Variants in MMP16 observed in about 807,000 individuals in gnomAD.
MMP16 encodes matrix metallopeptidase 16.
In MMP16, 12 loss-of-function variants were observed where a neutral mutation model predicts 67.8. The ratio of observed to expected loss-of-function variants is 0.18; its 90% confidence interval spans 0.11 to 0.29. The LOEUF (loss-of-function observed/expected upper bound fraction) is 0.29. Ranked by LOEUF, MMP16 falls within the 10% of genes least tolerant of loss-of-function variation. The pLI is 1.00. For missense variants in MMP16, 475 were observed against 765.7 expected, an observed-to-expected ratio of 0.62 and a Z score of 4.48; for synonymous variants, 249 against 255.9, an observed-to-expected ratio of 0.97 and a Z score of 0.26.
intron 1 of MMP16, among the ~76,000 whole-genome samples, chr8:88,325,932 G>A (rs1811530074): frequency 6.6e-6 from 1 of 152,190 alleles, no homozygotes; most frequent in East Asian, 1.9e-4. Flanking sequence ...TGCACACTCT[G>A]TGTATCAATT....
intron 7 of MMP16, among the ~76,000 whole-genome samples, chr8:88,068,398 T>G (rs552087819): frequency 1.3e-5 from 2 of 152,278 alleles, no homozygotes; most frequent in South Asian, 4.1e-4. Context: ...GTAGAATTTT[T>G]AAATTGTCTG....
intron 1 of MMP16, among the ~76,000 whole-genome samples, chr8:88,267,328 C>A (rs1370108384): frequency 6.6e-6 from 1 of 152,154 alleles, no homozygotes; most frequent in Non-Finnish European, 1.5e-5. Context: ...GTGGTTAAGT[C>A]TTAAATATAA....
intron 2 of MMP16, among the ~76,000 whole-genome samples, chr8:88,190,259 G>C (rs1165326242): frequency 6.6e-6 from 1 of 152,142 alleles, no homozygotes; most frequent in African/African-American, 2.4e-5. Context: ...CTGGCACAGA[G>C]ATATTAGTGG....
At chr8:88,288,282 T>TCATTCTTCCAAACTG (rs1810865105) in intron 1 of MMP16, among the ~76,000 whole-genome samples, 1 of 152,236 alleles carries the variant, frequency 6.6e-6, no homozygotes, top group South Asian at 2.1e-4. Context: ...CTATGAAACC[T>TCATTCTTCCAAACTG]CATTCTTCCA....
At chr8:88,256,702 A>C (rs1185610918) in intron 1 of MMP16, among the ~76,000 whole-genome samples, 28 of 145,854 alleles carry the variant, frequency 1.9e-4, no homozygotes, top group Admixed American at 1.2e-3. Flanking sequence ...ACACACACAC[A>C]CCCCACACAC....
At chr8:88,107,752 C>A (rs148741712) in intron 6 of MMP16, among the ~76,000 whole-genome samples, 5 of 151,030 alleles carry the variant, frequency 3.3e-5, no homozygotes, top group Non-Finnish European at 5.9e-5. Context: ...GAGATTGTTT[C>A]TTTTTATATA....
At chr8:88,234,525 T>C (rs1809911200) in intron 1 of MMP16, among the ~76,000 whole-genome samples, 1 of 152,252 alleles carries the variant, frequency 6.6e-6, no homozygotes, top group African/African-American at 2.4e-5. Flanking sequence ...AATTATTTTA[T>C]AATTAATGAC....
At chr8:88,102,418 G>C (rs1809160104) in intron 6 of MMP16, among the ~76,000 whole-genome samples, 2 of 151,912 alleles carry the variant, frequency 1.3e-5, no homozygotes, top group Admixed American at 6.6e-5. Flanking sequence ...CTGAGGTATG[G>C]GGGGAGTGGG....
chr8:88,129,110 A>C (rs575719949), intron 4 of MMP16, among the ~76,000 whole-genome samples: 4 of 151,796 alleles, frequency 2.6e-5, no homozygotes, highest in Admixed American at 2.0e-4. Flanking sequence ...CTCAGAGTAA[A>C]CCCATGTAAC....
chr8:88,198,905 C>T (rs369421862), intron 1 of MMP16, among the ~76,000 whole-genome samples: 1 of 152,000 alleles, frequency 6.6e-6, no homozygotes, highest in Non-Finnish European at 1.5e-5. Flanking sequence ...TCCTAGTTAA[C>T]AGTGGTGCAG....
intron 4 of MMP16, among the ~76,000 whole-genome samples, chr8:88,148,432 C>A (rs544977394): frequency 6.6e-6 from 1 of 152,278 alleles, no homozygotes; most frequent in South Asian, 2.1e-4. Context: ...GTGAAAATAG[C>A]TGGGTGCCTA....
intron 7 of MMP16, among the ~76,000 whole-genome samples, chr8:88,056,850 A>C (rs1206983747): frequency 6.6e-6 from 1 of 152,148 alleles, no homozygotes; most frequent in Non-Finnish European, 1.5e-5. Context: ...TAAGAGTGGT[A>C]ACTGAGGGGA....
chr8:88,278,903 G>A (rs1352859871), intron 1 of MMP16, among the ~76,000 whole-genome samples: 1 of 151,974 alleles, frequency 6.6e-6, no homozygotes, highest in Non-Finnish European at 1.5e-5. Context: ...AGTAGCTCCA[G>A]GGCACATTTT....
rs200107115 is a variant in MMP16 at position 88,289,807 on chromosome 8, GA to G, written c.132+37267del. 7.9e-4 allele frequency among the ~76,000 whole-genome samples: 117 copies of G among 148,626 alleles called. 1 individual carries two copies. The highest frequency in any genetic ancestry group is 2.8e-3 in the South Asian group (13 of 4,686). On this transcript the variant is annotated intron_variant, in intron 1 of 9. Transcript: ENST00000286614. ...ATTTTCCTCTTTTTTAAAAAAAAAGGAAAAAAAAATTCACAAGTGTTAGGTA... is the reference window on the plus strand; with the variant it reads ...ATTTTCCTCTTTTTTAAAAAAAAAGGAAAAAAAATTCACAAGTGTTAGGTA...
chr8:88,168,651 A>G (rs1318830966), intron 3 of MMP16, among the ~76,000 whole-genome samples: 1 of 152,164 alleles, frequency 6.6e-6, no homozygotes, highest in African/African-American at 2.4e-5. Context: ...TAAATATTGT[A>G]CTTGATTCAT....
intron 4 of MMP16, among the ~76,000 whole-genome samples, chr8:88,148,420 C>T (rs770604209): frequency 5.9e-5 from 9 of 152,120 alleles, no homozygotes; most frequent in Admixed American, 1.3e-4. Context: ...TGATAGCCAC[C>T]GGTGAAAATA....
At chr8:88,225,391 TACC>T (rs1450427489) in intron 1 of MMP16, among the ~76,000 whole-genome samples, 2 of 152,058 alleles carry the variant, frequency 1.3e-5, no homozygotes, top group African/African-American at 2.4e-5. Flanking sequence ...TTGAATTTAT[TACC>T]ACATTTAATT....
At position 88,074,784 on chromosome 8, in the gene MMP16, C is replaced by T. The variant is rs1303224215; in HGVS notation, c.1084-41G>A. On this transcript the variant is annotated intron_variant, in intron 6 of 9. Transcript: ENST00000286614. ...AGGCATCTCTCAACAAACACGTAGG[C>T]CTCCCTGGCATTTCACGGCGCAATG... 3 of 1,594,518 alleles carry T rather than the reference C, an allele frequency of 1.9e-6. No individual in the cohort carries two copies. The Admixed American group carries it at 5.2e-5, about 28-fold the overall frequency.
At chr8:88,313,802 G>A (rs763274632) in intron 1 of MMP16, among the ~76,000 whole-genome samples, 11 of 152,172 alleles carry the variant, frequency 7.2e-5, no homozygotes, top group South Asian at 2.1e-4. Flanking sequence ...ACGGTGGAAG[G>A]CAAGGAGGAG....
Sources: allele counts gnomAD v4.1 joint callset (sites outside exome capture counted in the v4.1 genomes callset), GRCh38; gene constraint gnomAD v4.1.1; transcripts MANE v1.5; gene names NCBI Gene and HGNC (gene_info 2026-07-23, HGNC 2026-07-21).